Variants in RHBDD1 observed in about 807,000 individuals in gnomAD.
RHBDD1 encodes the protein rhomboid-related protein 4.
A neutral mutation model predicts 36.3 loss-of-function variants in RHBDD1; 38 were observed. That is an observed-to-expected ratio of 1.05 (90% CI 0.81 to 1.37). The LOEUF (loss-of-function observed/expected upper bound fraction) is 1.37, where lower values mean the gene tolerates loss of function less well. Ranked by LOEUF, RHBDD1 falls within the 40% of genes most tolerant of loss-of-function variation. The probability of loss-of-function intolerance (pLI) is 0.00; values close to 1 mark genes in which losing one functional copy is unlikely to be tolerated. For missense variants in RHBDD1, 393 were observed against 377.6 expected (o/e 1.04, Z -0.34); for synonymous variants, 151 against 136.5 (o/e 1.11, Z -0.74).
intron 8 of RHBDD1, among the ~76,000 whole-genome samples, chr2:226,973,960 C>T (rs2149360944): frequency 6.6e-6 from 1 of 152,274 alleles, no homozygotes; most frequent in South Asian, 2.1e-4. Flanking sequence ...GTGGCTGCCT[C>T]TCTGCAATGA....
At chr2:226,835,288 C>G (rs1245687576), upstream of RHBDD1, among the ~76,000 whole-genome samples, 1 of 152,228 alleles carries the variant, frequency 6.6e-6, no homozygotes, top group East Asian at 1.9e-4. Context: ...TACAGCTAAA[C>G]ATAAAACTTG....
intron 3 of RHBDD1, among the ~76,000 whole-genome samples, chr2:226,845,249 A>G (rs1056709400): frequency 1.3e-5 from 2 of 152,248 alleles, no homozygotes; most frequent in Non-Finnish European, 2.9e-5. Flanking sequence ...GGAAAATGCT[A>G]ATTAGTTACT....
chr2:226,926,987 G>A (rs7582251), intron 8 of RHBDD1, among the ~76,000 whole-genome samples: 2 of 151,680 alleles, frequency 1.3e-5, no homozygotes, highest in African/African-American at 2.4e-5. Flanking sequence ...AATTTACTCC[G>A]TGTGGTGTAC....
chr2:226,817,818 G>A, the RHBDD1 span, among the ~76,000 whole-genome samples: 3 of 152,200 alleles, frequency 2.0e-5, no homozygotes, highest in Non-Finnish European at 4.4e-5. Flanking sequence ...GGATCCGCAT[G>A]AGACCTAATA....
intron 2 of RHBDD1, among the ~76,000 whole-genome samples, chr2:226,838,567 G>A (rs554717509): frequency 2.0e-5 from 3 of 152,134 alleles, no homozygotes; most frequent in African/African-American, 4.8e-5. Flanking sequence ...CATAAAACAC[G>A]TCCACCTTGT....
intron 5 of RHBDD1, among the ~76,000 whole-genome samples, chr2:226,898,500 A>C (rs568476856): frequency 6.6e-6 from 1 of 152,244 alleles, no homozygotes; most frequent in South Asian, 2.1e-4. Context: ...GGGGCACATA[A>C]TATTGGAAGA....
At chr2:226,862,283 G>A (rs966207176) in intron 3 of RHBDD1, among the ~76,000 whole-genome samples, 1 of 151,874 alleles carries the variant, frequency 6.6e-6, no homozygotes, top group Non-Finnish European at 1.5e-5. Flanking sequence ...CTTAAAGGGA[G>A]GAAATTGAAG....
chr2:226,810,414 C>A, the RHBDD1 span, among the ~76,000 whole-genome samples: 1 of 151,320 alleles, frequency 6.6e-6, no homozygotes, highest in Non-Finnish European at 1.5e-5. Flanking sequence ...GTGTCAGGCA[C>A]CTATAATCTC....
the RHBDD1 span, among the ~76,000 whole-genome samples, chr2:226,820,660 A>G: frequency 6.6e-5 from 10 of 151,068 alleles, no homozygotes; most frequent in Admixed American, 1.3e-4. Context: ...AAAAAAAAAA[A>G]AAAAAAAAAG....
chr2:226,983,979 TC>T, intron 8 of RHBDD1, among the ~76,000 whole-genome samples: 1 of 152,326 alleles, frequency 6.6e-6, no homozygotes, highest in Non-Finnish European at 1.5e-5. Context: ...GGAGGAACTG[TC>T]CCTGCTCGTA....
At chr2:226,806,933 A>G in the RHBDD1 span, among the ~76,000 whole-genome samples, 8 of 152,252 alleles carry the variant, frequency 5.3e-5, no homozygotes, top group Admixed American at 2.0e-4. Flanking sequence ...GAGGAAATTC[A>G]CAATGCTTCC....
rs570572394 is a variant in RHBDD1, at chr2:226,857,398, T to C, written c.-90-7206T>C. ...TCACAGTTACTCAGAAAGTTAAACATAAAGTCAACCATATGAGCCAGCAAT... is the reference window on the plus strand; with the variant it reads ...TCACAGTTACTCAGAAAGTTAAACACAAAGTCAACCATATGAGCCAGCAAT... On this transcript the variant is annotated intron_variant, in intron 3 of 8. Coordinates refer to ENST00000392062, the MANE Select transcript of RHBDD1 (RefSeq NM_001167608.3). 1.2e-4 allele frequency among the ~76,000 whole-genome samples: 18 copies of C among 152,178 alleles called. No individual in the cohort carries two copies. The Middle Eastern group carries it at 0.01, about 86-fold the overall frequency.
At chr2:226,853,369 T>G (rs1317112391) in intron 3 of RHBDD1, among the ~76,000 whole-genome samples, 1 of 152,248 alleles carries the variant, frequency 6.6e-6, no homozygotes, top group Admixed American at 6.5e-5. Flanking sequence ...ATTTAACTAC[T>G]TATAGCCATT....
intron 3 of RHBDD1, among the ~76,000 whole-genome samples, chr2:226,848,038 A>G (rs186164230): frequency 3.5e-4 from 54 of 152,350 alleles, no homozygotes; most frequent in African/African-American, 1.2e-3. Flanking sequence ...CAGCTTCTCT[A>G]TTTATATAGA....
intron 8 of RHBDD1, among the ~76,000 whole-genome samples, chr2:226,979,368 C>A (rs1274020848): frequency 6.6e-6 from 1 of 152,162 alleles, no homozygotes; most frequent in Non-Finnish European, 1.5e-5. Flanking sequence ...CTCAGCAAAG[C>A]AAGATGGTTC....
rs566029773 is a variant in RHBDD1 at position 226,864,464 on chromosome 2, T to A, written c.-90-140T>A. ...TGTCAGTCAGCATCCTCGATATTAC[T>A]CTTGAAGATGTCGAACATAAATATT... On this transcript the variant is annotated intron_variant, in intron 3 of 8. Transcript: ENST00000392062. The A allele has an allele frequency of 5.1e-4, 275 of 535,006 alleles. 4 individuals carry two copies. Among genetic ancestry groups the A allele is most frequent in the South Asian group, 3.0e-3 (112 of 37,720 alleles). 33.1% of individuals were successfully genotyped at this position (535,006 alleles called of 1,614,324 possible).
At chr2:226,817,190 G>T in the RHBDD1 span, among the ~76,000 whole-genome samples, 1 of 152,202 alleles carries the variant, frequency 6.6e-6, no homozygotes, top group Non-Finnish European at 1.5e-5. Context: ...GTGTTTAAGA[G>T]CAGGCAAGGT....
intron 5 of RHBDD1, among the ~76,000 whole-genome samples, chr2:226,879,322 A>G (rs866047904): frequency 6.6e-6 from 1 of 152,190 alleles, no homozygotes; most frequent in South Asian, 2.1e-4. Context: ...GGAAGAGAGA[A>G]TTAGATTGCC....
At chr2:226,903,928 G>A (rs1396353295) in intron 5 of RHBDD1, among the ~76,000 whole-genome samples, 1 of 152,092 alleles carries the variant, frequency 6.6e-6, no homozygotes, top group Non-Finnish European at 1.5e-5. Flanking sequence ...ACCTGGACAT[G>A]ATCGGAGAGG....
Sources: allele counts gnomAD v4.1 joint callset (sites outside exome capture counted in the v4.1 genomes callset), GRCh38; gene constraint gnomAD v4.1.1; transcripts MANE v1.5; gene names NCBI Gene and HGNC (gene_info 2026-07-23, HGNC 2026-07-21).